GALNT17: variants seen among roughly 807,000 people sequenced by gnomAD.
GALNT17 encodes polypeptide N-acetylgalactosaminyltransferase 17, also known as UDP-GalNAc:polypeptide N-acetylgalactosaminyltransferase-like 3.
Under a neutral mutation model 63.7 loss-of-function variants are expected in GALNT17, and 29 were observed. The observed-to-expected ratio is 0.46, with a 90% CI of 0.34 to 0.62. The LOEUF (loss-of-function observed/expected upper bound fraction) is 0.62. Among genes scored for constraint, GALNT17 ranks in the 20% least tolerant of loss-of-function variants. The probability of loss-of-function intolerance (pLI) is 0.01; values close to 1 mark genes in which losing one functional copy is unlikely to be tolerated. For synonymous variants in GALNT17, 305 were observed against 318.3 expected, an observed-to-expected ratio of 0.96 and a Z score of 0.45; for missense variants, 603 against 799.6, an observed-to-expected ratio of 0.75 and a Z score of 2.97.
At chr7:71,482,485 A>G (rs907807583) in intron 5 of GALNT17, among the ~76,000 whole-genome samples, 1 of 152,074 alleles carries the variant, frequency 6.6e-6, no homozygotes, top group Non-Finnish European at 1.5e-5. Context: ...TCATTAGGCA[A>G]TTTCATCATT....
At chr7:71,171,759 C>T (rs1788551359) in intron 1 of GALNT17, among the ~76,000 whole-genome samples, 1 of 152,186 alleles carries the variant, frequency 6.6e-6, no homozygotes, top group Admixed American at 6.5e-5. Context: ...GTAAATCAGT[C>T]CTAGAGCTGC....
intron 6 of GALNT17, among the ~76,000 whole-genome samples, chr7:71,611,596 G>C (rs1356119896): frequency 6.6e-6 from 1 of 152,054 alleles, no homozygotes; most frequent in East Asian, 1.9e-4. Flanking sequence ...CAAGATAAAT[G>C]TTTCCTTGAT....
At chr7:71,444,015 C>T (rs1177433287) in intron 5 of GALNT17, among the ~76,000 whole-genome samples, 1 of 152,210 alleles carries the variant, frequency 6.6e-6, no homozygotes, top group African/African-American at 2.4e-5. Flanking sequence ...GTGTGAGGCA[C>T]CCCGCTCGGC....
intron 3 of GALNT17, among the ~76,000 whole-genome samples, chr7:71,406,028 G>A (rs1036210206): frequency 1.3e-5 from 2 of 152,164 alleles, no homozygotes; most frequent in Non-Finnish European, 2.9e-5. Context: ...TAAGTATGAA[G>A]ACAAATGTTG....
At chr7:71,506,635 G>A (rs118075213) in intron 5 of GALNT17, among the ~76,000 whole-genome samples, 1,976 of 152,260 alleles carry the variant, frequency 0.013, 14 homozygotes, top group Non-Finnish European at 0.017. Context: ...ATATATGTAT[G>A]GGGTACATAG....
intron 1 of GALNT17, among the ~76,000 whole-genome samples, chr7:71,140,557 C>G (rs1337505996): frequency 6.6e-6 from 1 of 152,186 alleles, no homozygotes; most frequent in African/African-American, 2.4e-5. Flanking sequence ...GAAACCCAAC[C>G]CCCCTGACCT....
At chr7:71,201,488 T>C (rs1789170569) in intron 1 of GALNT17, among the ~76,000 whole-genome samples, 1 of 152,024 alleles carries the variant, frequency 6.6e-6, no homozygotes, top group African/African-American at 2.4e-5. Context: ...CCAGGTTTTC[T>C]TATTTGATTT....
chr7:71,556,618 G>A (rs552578477), intron 5 of GALNT17, among the ~76,000 whole-genome samples: 3 of 151,986 alleles, frequency 2.0e-5, no homozygotes, highest in Non-Finnish European at 4.4e-5. Context: ...GTGCAGTGGC[G>A]CTCTGCTCTC....
chr7:71,572,532 T>G (rs1257556310), intron 6 of GALNT17, among the ~76,000 whole-genome samples: 1 of 54,780 alleles, frequency 1.8e-5, no homozygotes, highest in Non-Finnish European at 3.8e-5. Flanking sequence ...AAAAAAAAAC[T>G]ACATGTTTAA....
At position 71,415,981 on chromosome 7, in the gene GALNT17, C is replaced by T. The variant is rs144185040; in HGVS notation, c.682C>T (p.Arg228Cys). 14 of 1,613,770 alleles carry T rather than the reference C, an allele frequency of 8.7e-6. No individual in the cohort carries two copies. In the Admixed American group the frequency reaches 1.3e-4, roughly 15 times the overall value. The change falls in exon 4 of 11, where the codon CGC becomes TGC. Residue 228 changes from arginine to cysteine, a missense_variant. Physicochemically the swap from Arg to Cys is radical, Grantham distance 180. This residue lies in a region of GALNT17 where 336 missense variants were observed against 507.8 expected (regional missense o/e 0.66). Transcript: ENST00000333538. Reference sequence around the variant, plus strand: ...AAATCAGAAGAGGGAAGGCCTGATCCGCGCTCGCATTGAGGGCTGGAAGGT... The same window carrying T: ...AAATCAGAAGAGGGAAGGCCTGATCTGCGCTCGCATTGAGGGCTGGAAGGT... ...VRNQKREGLI[R>C]ARIEGWKVAT...
intron 2 of GALNT17, among the ~76,000 whole-genome samples, chr7:71,336,470 A>G (rs1791909943): frequency 1.3e-5 from 2 of 152,100 alleles, no homozygotes; most frequent in Admixed American, 1.3e-4. Flanking sequence ...CACCATAGAT[A>G]GTTTCTTGAT....
At chr7:71,538,964 TCTCA>T (rs1389776439) in intron 5 of GALNT17, among the ~76,000 whole-genome samples, 2 of 151,758 alleles carry the variant, frequency 1.3e-5, no homozygotes, top group Non-Finnish European at 2.9e-5. Context: ...TTTTGAGGAG[TCTCA>T]CTCTGTCGCC....
At chr7:71,627,506 G>A (rs555845416) in intron 6 of GALNT17, among the ~76,000 whole-genome samples, 19 of 152,286 alleles carry the variant, frequency 1.2e-4, no homozygotes, top group Admixed American at 6.5e-4. Context: ...CCCCAATGGC[G>A]GGCAGTGGGC....
At chr7:71,521,704 TA>T (rs1412131796) in intron 5 of GALNT17, among the ~76,000 whole-genome samples, 3 of 152,128 alleles carry the variant, frequency 2.0e-5, no homozygotes, top group Admixed American at 2.0e-4. Flanking sequence ...GGGTTGCTCA[TA>T]AAAAATGGTT....
intron 2 of GALNT17, among the ~76,000 whole-genome samples, chr7:71,386,886 C>G (rs1379190082): frequency 6.6e-6 from 1 of 152,134 alleles, no homozygotes; most frequent in Non-Finnish European, 1.5e-5. Context: ...GGAATGTTAG[C>G]TCTGTGATAG....
intron 2 of GALNT17, among the ~76,000 whole-genome samples, chr7:71,360,582 C>T (rs1475300593): frequency 1.3e-5 from 2 of 152,190 alleles, no homozygotes; most frequent in Admixed American, 1.3e-4. Context: ...ATCACATTGC[C>T]ATTGTTCCTC....
intron 6 of GALNT17, among the ~76,000 whole-genome samples, chr7:71,653,764 C>A (rs934938770): frequency 1.3e-5 from 2 of 152,102 alleles, no homozygotes; most frequent in Non-Finnish European, 2.9e-5. Flanking sequence ...CAAAGATTTT[C>A]TGATTTGCGA....
At chr7:71,282,697 G>A (rs1790799382) in intron 1 of GALNT17, among the ~76,000 whole-genome samples, 1 of 151,916 alleles carries the variant, frequency 6.6e-6, no homozygotes, top group African/African-American at 2.4e-5. Context: ...CTCAAGGGAG[G>A]GCTGTGGGTG....
intron 6 of GALNT17, 97 bp downstream of exon 6, chr7:71,571,499 A>G: frequency 1.1e-6 from 1 of 944,604 alleles, no homozygotes; most frequent in Non-Finnish European, 1.7e-6. Context: ...CTTACAGCTG[A>G]TGAATGACAG....
Sources: gnomAD v4.1 joint callset for allele counts (sites outside exome capture counted in the v4.1 genomes callset) on GRCh38, gnomAD v4.1.1 for gene constraint, gnomAD v4.1.1 regional missense constraint, MANE v1.5 for transcripts, NCBI Gene and HGNC (gene_info 2026-07-23, HGNC 2026-07-21) for gene names.